MYO15B: variants seen among roughly 807,000 people sequenced by gnomAD.
MYO15B encodes myosin XVB.
MYO15B carries 207 observed loss-of-function variants against 119.3 expected under a neutral mutation model. The observed-to-expected ratio is 1.73, with a 90% CI of 1.55 to 1.95. MYO15B has a LOEUF of 1.95. MYO15B is among the 30% of genes most tolerant of loss of function. MYO15B has a pLI of 0.00. For synonymous variants in MYO15B, 966 were observed against 498.9 expected (o/e 1.94, Z -12.48); for missense variants, 2,264 against 1,203.1 (o/e 1.88, Z -13.04).
At chr17:75,602,847 C>A (rs1244486606) in exon 17 of MYO15B, 4 of 636,880 alleles carry the variant, frequency 6.3e-6, no homozygotes, top group Non-Finnish European at 8.5e-6. Flanking sequence ...GCAGCCTGTT[C>A]CAGGAGGCAG....
intron 15 of MYO15B, chr17:75,602,231 A>T: frequency 1.9e-6 from 1 of 527,798 alleles, no homozygotes; most frequent in Non-Finnish European, 3.4e-6. Context: ...TAGATTTAAT[A>T]TGGAGAGACA....
At chr17:75,613,079 C>T (rs1244704617) in exon 27 of MYO15B, 1 of 702,624 alleles carries the variant, frequency 1.4e-6, no homozygotes, top group South Asian at 1.5e-5. Flanking sequence ...GCGGAATGAG[C>T]TCTTTAGCCA....
At position 75,589,549 on chromosome 17, in the gene MYO15B, G is replaced by C. The variant is rs2056306497; in HGVS notation, c.1492G>C (p.Ala498Pro). 2 of 398,836 alleles carry C rather than the reference G, an allele frequency of 5.0e-6. No homozygotes were observed. Among genetic ancestry groups the C allele is most frequent in the African/African-American group, 2.1e-5 (1 of 48,742 alleles). The allele number at this position is 398,836 out of a possible 1,614,324, so 24.7% of individuals were successfully genotyped here. The change falls in exon 1 of 64, where the codon GCG becomes CCG. Residue 498 changes from alanine (A) to proline (P), a missense_variant. By Grantham distance (27) the Ala-to-Pro change is conservative (BLOSUM62 -1). Transcript: ENST00000645453. This position sits in a 1 kb window ranked among gnomAD's most constrained non-coding sequence, Gnocchi z 4.2. ...TGAGCCCGGGCTGCGGCACCGTCTA[G>C]CGTTGCGCCTGGCTGGCTTAGCAGG... is the stretch of plus-strand genomic sequence containing the variant.
In MYO15B at chr17:75,624,250, GTGAAA is replaced by G. The variant is rs1568234019; in HGVS notation, c.8353_8357del (p.Met2785GlyfsTer22). The G allele has an allele frequency of 5.7e-6, 4 of 702,872 alleles. No homozygotes were observed. The highest frequency in any genetic ancestry group is 1.0e-5 in the Non-Finnish European group (4 of 385,000). 43.5% of individuals were successfully genotyped at this position (702,872 alleles called of 1,614,324 possible). The stretch of plus-strand genomic sequence containing the variant: ...GGGCGCCGGCGGATGCCCCCACCGG[GTGAAA>G]TGAAGGCTTTCCTGGTACTGGGGGT... On this transcript the variant is annotated frameshift_variant, in exon 56 of 64. Coordinates refer to ENST00000645453, the Ensembl canonical transcript of MYO15B. LOFTEE classifies it high-confidence loss of function.
At chr17:75,603,609 A>C (rs1670996) in intron 19 of MYO15B, among the ~76,000 whole-genome samples, 2 of 151,728 alleles carry the variant, frequency 1.3e-5, no homozygotes, top group African/African-American at 2.4e-5. Context: ...TACCTGCCCT[A>C]GGCGGGGCTC....
At chr17:75,602,695 T>C (rs2147859092) in intron 16 of MYO15B, 101 bp downstream of exon 16, 1 of 607,838 alleles carries the variant, frequency 1.6e-6, no homozygotes, top group Non-Finnish European at 2.9e-6. Context: ...GGCCCTCAAG[T>C]CCCTGGCACC....
chr17:75,603,667 G>A (rs1245904449), intron 19 of MYO15B, among the ~76,000 whole-genome samples: 1 of 150,046 alleles, frequency 6.7e-6, no homozygotes, highest in Non-Finnish European at 1.5e-5. Flanking sequence ...GGCTGAAGCA[G>A]TGAGATGGCA....
intron 24 of MYO15B, 54 bp downstream of exon 24, chr17:75,611,712 T>TG: frequency 1.4e-6 from 1 of 702,330 alleles, no homozygotes; most frequent in South Asian, 1.5e-5. Context: ...CCCTTTACTG[T>TG]GGGGTGTGTC....
chr17:75,595,860 G>C (rs921508357), intron 12 of MYO15B, among the ~76,000 whole-genome samples: 2 of 152,208 alleles, frequency 1.3e-5, no homozygotes, highest in African/African-American at 4.8e-5. Flanking sequence ...AGCCAGGAGG[G>C]GGCTGGAGGG....
intron 19 of MYO15B, among the ~76,000 whole-genome samples, chr17:75,604,203 C>T (rs946043355): frequency 2.0e-5 from 3 of 152,144 alleles, no homozygotes; most frequent in Non-Finnish European, 4.4e-5. Flanking sequence ...GCAATTGTCA[C>T]CTCCAACAAG....
chr17:75,599,960 A>G (rs2147822278), intron 14 of MYO15B, among the ~76,000 whole-genome samples: 1 of 151,224 alleles, frequency 6.6e-6, no homozygotes, highest in East Asian at 1.9e-4. Flanking sequence ...TTCTGGGACT[A>G]TTCTCCCAGG....
In MYO15B at chr17:75,613,997, C is replaced by A. The variant is rs1001546736; in HGVS notation, c.5220-202C>A. On this transcript the variant is annotated intron_variant, in intron 29 of 63. Coordinates refer to ENST00000645453, the Ensembl canonical transcript of MYO15B. ...ACTCAGCAGGTCAGAAAAGAAATGCCCATGCTGGAGCCCTTGTGGAAGTGG... is the reference window on the plus strand; with the variant it reads ...ACTCAGCAGGTCAGAAAAGAAATGCACATGCTGGAGCCCTTGTGGAAGTGG... 7 of 599,206 alleles carry A rather than the reference C, an allele frequency of 1.2e-5. No homozygotes were observed. In the Admixed American group the frequency reaches 2.0e-4, roughly 18 times the overall value. 37.1% of individuals were successfully genotyped at this position (599,206 alleles called of 1,614,324 possible).
chr17:75,592,652 C>T, intron 8 of MYO15B, 27 bp from the exon 9 acceptor site: 1 of 680,170 alleles, frequency 1.5e-6, no homozygotes, highest in Non-Finnish European at 2.7e-6. Flanking sequence ...GCAGGCCCCG[C>T]TCCCTCACCC....
At chr17:75,615,985 C>T in intron 36 of MYO15B, 84 bp from the exon 37 acceptor site, 1 of 595,960 alleles carries the variant, frequency 1.7e-6, no homozygotes, top group Non-Finnish European at 3.0e-6. Context: ...GAAGAGGCTG[C>T]TGGCCCAGGA....
At position 75,589,702 on chromosome 17, in the gene MYO15B, A is replaced by G. The variant is rs771040887; in HGVS notation, c.1645A>G (p.Arg549Gly). The G allele has an allele frequency of 2.3e-4, 91 of 398,440 alleles. No homozygotes were observed. The highest frequency in any genetic ancestry group is 3.8e-4 in the Non-Finnish European group (87 of 225,984). The allele number at this position is 398,440 out of a possible 1,614,324, so 24.7% of individuals were successfully genotyped here. The change falls in exon 1 of 64, where the codon AGG (arginine) becomes GGG (glycine). Residue 549 changes from arginine (R) to glycine (G), a missense_variant. By Grantham distance (125) the Arg-to-Gly change is moderately radical. Coordinates refer to ENST00000645453, the Ensembl canonical transcript of MYO15B. This position sits in a 1 kb window ranked among gnomAD's most constrained non-coding sequence, Gnocchi z 4.2. Reference sequence around the variant, plus strand: ...TCCCAAGTTCGCGGTCGTGTTCCCCAGGATCCACAGGGCAGGGCGGGCGTC... The same window carrying G: ...TCCCAAGTTCGCGGTCGTGTTCCCCGGGATCCACAGGGCAGGGCGGGCGTC...
rs573164998 is a variant in MYO15B at position 75,605,021 on chromosome 17, C to T, written c.4017-483C>T. On this transcript the variant is annotated intron_variant, in intron 19 of 63. Transcript: ENST00000645453. ...GCGTGGTGTTGCATGCCAGTAATCC[C>T]AGCTACTCGGGAGGCTGAGGCAAGA... Among the ~76,000 whole-genome samples the T allele has an allele frequency of 1.2e-4, 18 of 152,150 alleles. 1 individual carries two copies. Among genetic ancestry groups the T allele is most frequent in the African/African-American group, 4.3e-4 (18 of 41,522 alleles).
rs530560873 is a variant in MYO15B at position 75,608,603 on chromosome 17, T to C, written c.4293-1563T>C. 1.6e-4 allele frequency among the ~76,000 whole-genome samples: 24 copies of C among 151,552 alleles called. 1 individual carries two copies. The highest frequency in any genetic ancestry group is 5.6e-4 in the African/African-American group (23 of 41,412). On this transcript the variant is annotated intron_variant, in intron 21 of 63. Transcript: ENST00000645453. ...TTCAAGTGAGCCGAGATCGCGCCAT[T>C]GCACTCCAGCAGCAGCATGATCTCA...
At position 75,598,652 on chromosome 17, in the gene MYO15B, G is replaced by A. The variant is rs538232484; in HGVS notation, c.3525+1753G>A. Among the ~76,000 whole-genome samples, 8 of 151,718 alleles carry A rather than the reference G, an allele frequency of 5.3e-5. No individual in the cohort carries two copies. In the South Asian group the frequency reaches 1.7e-3, roughly 32 times the overall value. On this transcript the variant is annotated intron_variant, in intron 14 of 63. Transcript: ENST00000645453. ...TACATGTCTTCATGTACTATATATTGATATATAACAAGTCACATTAATATA... is the reference window on the plus strand; with the variant it reads ...TACATGTCTTCATGTACTATATATTAATATATAACAAGTCACATTAATATA...
chr17:75,620,741 G>A, intron 49 of MYO15B, 105 bp downstream of exon 49: 1 of 696,158 alleles, frequency 1.4e-6, no homozygotes, highest in South Asian at 1.5e-5. Context: ...GGACCACCCT[G>A]CTGTCCGTCT....
Sources: allele counts gnomAD v4.1 joint callset (sites outside exome capture counted in the v4.1 genomes callset), GRCh38; gene constraint gnomAD v4.1.1; non-coding constraint Gnocchi (gnomAD v3.1); transcripts MANE v1.5; gene names NCBI Gene and HGNC (gene_info 2026-07-23, HGNC 2026-07-21).